The following MYO9A variants were observed in gnomAD, a reference collection of about 807,000 sequenced individuals.
The protein encoded by MYO9A is myosin IXA.
A neutral mutation model predicts 293.3 loss-of-function variants in MYO9A; 103 were observed. The ratio of observed to expected loss-of-function variants is 0.35; its 90% CI spans 0.30 to 0.41. The LOEUF is 0.41. MYO9A is among the 10% of genes least tolerant of loss of function. The probability of loss-of-function intolerance (pLI) is 1.00; values close to 1 mark genes in which losing one functional copy is unlikely to be tolerated. For missense variants in MYO9A, 2,685 were observed against 3,033.0 expected (o/e 0.89, Z 2.69); for synonymous variants, 1,001 against 1,035.7 (o/e 0.97, Z 0.64).
chr15:72,085,164 G>A (rs899174338), intron 1 of MYO9A, among the ~76,000 whole-genome samples: 4 of 152,158 alleles, frequency 2.6e-5, no homozygotes, highest in Non-Finnish European at 5.9e-5. Context: ...GGAGGCCAAG[G>A]TGGGTGAATC....
At chr15:71,927,945 T>TCTGAGCTTTTA (rs1251711327) in intron 18 of MYO9A, among the ~76,000 whole-genome samples, 1 of 143,852 alleles carries the variant, frequency 7.0e-6, no homozygotes, top group Non-Finnish European at 1.5e-5. Flanking sequence ...CGGGTTTACT[T>TCTGAGCTTTTA]CTGAGCTTTT....
In MYO9A at chr15:72,073,419, C is replaced by A. The variant is rs915005664; in HGVS notation, c.-71-26785G>T. 2.6e-5 allele frequency among the ~76,000 whole-genome samples: 4 copies of A among 152,186 alleles called. No homozygotes were observed. In the East Asian group the frequency reaches 5.8e-4, roughly 22 times the overall value. Reference sequence around the variant, plus strand: ...TCTTGCAACAGCCATTGTATCTAGGCATACCCCTGCTCTTTGTTCCATAGA... The same window carrying A: ...TCTTGCAACAGCCATTGTATCTAGGAATACCCCTGCTCTTTGTTCCATAGA... On this transcript the variant is annotated intron_variant, in intron 1 of 41. Transcript: ENST00000356056.
At chr15:71,838,930 C>T (rs947496792) in intron 39 of MYO9A, among the ~76,000 whole-genome samples, 3 of 152,152 alleles carry the variant, frequency 2.0e-5, no homozygotes, top group Admixed American at 1.3e-4. Context: ...TAAAAAGGTA[C>T]ACTTATAAAA....
intron 15 of MYO9A, 55 bp from the exon 16 acceptor site, chr15:71,938,982 G>A (rs1052431818): frequency 2.5e-5 from 34 of 1,365,322 alleles, no homozygotes; most frequent in African/African-American, 3.0e-5. Flanking sequence ...AAAATGAAAC[G>A]TGAAATAGTT....
intron 9 of MYO9A, among the ~76,000 whole-genome samples, chr15:71,995,260 C>T (rs1167277111): frequency 6.6e-6 from 1 of 152,096 alleles, no homozygotes; most frequent in Admixed American, 6.6e-5. Context: ...AGGAATAAAT[C>T]TGTTAGGAAA....
At chr15:71,832,396 T>A (rs1351987446) in intron 39 of MYO9A, among the ~76,000 whole-genome samples, 1 of 151,926 alleles carries the variant, frequency 6.6e-6, no homozygotes, top group Non-Finnish European at 1.5e-5. Context: ...AAGAAGTCTA[T>A]ACCTAGACAA....
At chr15:72,111,174 T>G (rs1006881216) in intron 1 of MYO9A, among the ~76,000 whole-genome samples, 2 of 138,310 alleles carry the variant, frequency 1.4e-5, no homozygotes, top group Non-Finnish European at 3.1e-5. Flanking sequence ...AAAAAAAAAA[T>G]TATTGATTTC....
At chr15:71,836,811 A>C (rs1223448061) in intron 39 of MYO9A, among the ~76,000 whole-genome samples, 1 of 152,086 alleles carries the variant, frequency 6.6e-6, no homozygotes, top group Admixed American at 6.5e-5. Flanking sequence ...AAAATAAAGT[A>C]AGTCATTAAT....
In MYO9A at chr15:72,046,195, T is replaced by G. The variant is rs372579532; in HGVS notation, c.369A>C (p.Ser123=). 2 of 1,614,152 alleles carry G rather than the reference T, an allele frequency of 1.2e-6. No homozygotes were observed. Among genetic ancestry groups the G allele is most frequent in the East Asian group, 4.5e-5 (2 of 44,886 alleles). Residue 123 remains serine, a synonymous_variant, in exon 2 of 42, where the codon TCA becomes TCC. Coordinates refer to ENST00000356056, the MANE Select transcript of MYO9A (RefSeq NM_006901.4). ...DGSIHYGSLQ[S]WLRVTEERRR... Reference sequence around the variant, plus strand: ...GACGTTCTTCTGTTACCCGTAGCCATGACTGCAGGCTACCATAATGGATTG... The same window carrying G: ...GACGTTCTTCTGTTACCCGTAGCCAGGACTGCAGGCTACCATAATGGATTG...
At chr15:71,851,192 A>G in intron 37 of MYO9A, 61 bp downstream of exon 37, 1 of 1,281,698 alleles carries the variant, frequency 7.8e-7, no homozygotes, top group Non-Finnish European at 1.1e-6. Context: ...GAAATTCCTT[A>G]TCTATTTAAA....
At chr15:71,972,334 C>G (rs2076032678) in intron 12 of MYO9A, 1 of 152,082 alleles carries the variant, frequency 6.6e-6, no homozygotes, top group Non-Finnish European at 1.5e-5. Context: ...TTTGCAATAT[C>G]CTTTATAATA....
In MYO9A at chr15:71,975,390, CGTGTGTGT is replaced by C. The variant is rs57800508; in HGVS notation, c.1844+2773_1844+2780del. Among the ~76,000 whole-genome samples the C allele has an allele frequency of 3.5e-4, 30 of 86,674 alleles. 1 individual carries two copies. Among genetic ancestry groups the C allele is most frequent in the South Asian group, 2.8e-3 (6 of 2,118 alleles). 56.9% of individuals were successfully genotyped at this position (86,674 alleles called of 152,430 possible). A position where few individuals can be genotyped will look rare whatever the true frequency, so the allele number is the denominator to read the frequency against. On this transcript the variant is annotated intron_variant, in intron 12 of 41. Coordinates refer to ENST00000356056, the MANE Select transcript of MYO9A (RefSeq NM_006901.4). ...CCTTTGGCCTATGACGTGATTTTAT[CGTGTGTGT>C]GTGTGTGTGTGTGTGTGTGTGTGTG...
rs115678974 is a variant in MYO9A at position 71,877,864 on chromosome 15, T to C, written c.5931+176A>G. ...GGTTTAGAAAATATGGTCTGATAAA[T>C]TATAAGACAGAATGAAGTTTGGAGG... On this transcript the variant is annotated intron_variant, in intron 31 of 41. Coordinates refer to ENST00000356056, the MANE Select transcript of MYO9A (RefSeq NM_006901.4). Among the ~76,000 whole-genome samples, 1,490 of 152,318 alleles carry C rather than the reference T, an allele frequency of 9.8e-3. 21 individuals are homozygous for C. The highest frequency in any genetic ancestry group is 0.034 in the African/African-American group (1,402 of 41,568).
At chr15:72,063,582 CA>C (rs1566998681) in intron 1 of MYO9A, among the ~76,000 whole-genome samples, 1 of 151,884 alleles carries the variant, frequency 6.6e-6, no homozygotes, top group Non-Finnish European at 1.5e-5. Flanking sequence ...TTAAAATGGG[CA>C]AAAGACTGGA....
chr15:72,069,547 G>A (rs2079120246), intron 1 of MYO9A, among the ~76,000 whole-genome samples: 1 of 152,078 alleles, frequency 6.6e-6, no homozygotes, highest in Admixed American at 6.5e-5. Context: ...ATCAATACAA[G>A]ATCTCTAGAT....
Position 72,116,891 on chromosome 15 carries a change from TCACTCTGCCTCC to T in MYO9A, c.-72+777_-72+788del, listed in dbSNP as rs564911875. 4.6e-5 allele frequency: 7 copies of T among 152,336 alleles called. No homozygotes were observed. In the East Asian group the frequency reaches 5.8e-4, roughly 13 times the overall value. 9.4% of individuals were successfully genotyped at this position (152,336 alleles called of 1,614,324 possible). A position where few individuals can be genotyped will look rare whatever the true frequency, so the allele number is the denominator to read the frequency against. On this transcript the variant is annotated intron_variant, in intron 1 of 41. Transcript: ENST00000356056. ...CAACTGGCCTCATGCTTCCATAACT[TCACTCTGCCTCC>T]CACTTTTTTCAGCCCAACCCCTCCA...
chr15:72,087,344 C>T (rs922295477), intron 1 of MYO9A, among the ~76,000 whole-genome samples: 2 of 152,234 alleles, frequency 1.3e-5, no homozygotes, highest in Non-Finnish European at 2.9e-5. Flanking sequence ...CCACTATAGA[C>T]ACTCCTGCAC....
rs552650162 is a variant in MYO9A at position 72,106,461 on chromosome 15, G to A, written c.-72+11219C>T. On this transcript the variant is annotated intron_variant, in intron 1 of 41. Coordinates refer to ENST00000356056, the MANE Select transcript of MYO9A (RefSeq NM_006901.4). Reference sequence around the variant, plus strand: ...GATGTATGATTGTGCCACTGCACTTGCTCTATCACTCCAGCCTGGGTGACA... The same window carrying A: ...GATGTATGATTGTGCCACTGCACTTACTCTATCACTCCAGCCTGGGTGACA... Among the ~76,000 whole-genome samples the A allele has an allele frequency of 2.0e-5, 3 of 152,324 alleles. No individual in the cohort carries two copies. The East Asian group carries it at 5.8e-4, about 29-fold the overall frequency.
At chr15:71,986,887 G>A (rs1267131046) in intron 11 of MYO9A, among the ~76,000 whole-genome samples, 2 of 152,238 alleles carry the variant, frequency 1.3e-5, no homozygotes, top group Non-Finnish European at 1.5e-5. Context: ...TCTAACTAGT[G>A]TGTGTACAGT....
Sources: allele counts gnomAD v4.1 joint callset (sites outside exome capture counted in the v4.1 genomes callset), GRCh38; gene constraint gnomAD v4.1.1; transcripts MANE v1.5; gene names NCBI Gene and HGNC (gene_info 2026-07-23, HGNC 2026-07-21).